LSS: variants seen among roughly 807,000 people sequenced by gnomAD.
LSS encodes the protein 2,3-epoxysqualene-lanosterol cyclase.
A neutral mutation model predicts 110.3 loss-of-function variants in LSS; 90 were observed. The ratio of observed to expected loss-of-function variants is 0.82; its 90% CI spans 0.69 to 0.97. LSS has a LOEUF of 0.97. LSS is among the 50% of genes least tolerant of loss of function. The pLI is 0.00. For synonymous variants in LSS, 433 were observed against 400.0 expected, an observed-to-expected ratio of 1.08 and a Z score of -0.98; for missense variants, 927 against 990.0, an observed-to-expected ratio of 0.94 and a Z score of 0.85.
In LSS at chr21:46,189,489, C is replaced by T. The variant is rs1358538409; in HGVS notation, c.*1615G>A. The stretch of plus-strand genomic sequence containing the variant: ...AGGCAGCTGACCAAGCCCTGCAGGG[C>T]TCTGAGCAGGCAGGCGAGTCCCAAG... On this transcript the variant is annotated 3_prime_UTR_variant, in exon 22 of 22. Coordinates refer to ENST00000397728, the MANE Select transcript of LSS (RefSeq NM_002340.6). The T allele has an allele frequency of 2.8e-6, 1 of 361,212 alleles. No homozygotes were observed. The highest frequency in any genetic ancestry group is 5.5e-6 in the Non-Finnish European group (1 of 181,976). The allele number at this position is 361,212 out of a possible 1,614,324, so 22.4% of individuals were successfully genotyped here.
At chr21:46,196,921 C>G (rs2079917353) in intron 17 of LSS, among the ~76,000 whole-genome samples, 1 of 152,232 alleles carries the variant, frequency 6.6e-6, no homozygotes, top group African/African-American at 2.4e-5. Flanking sequence ...CAGCTTCCAG[C>G]TGAGGAATGG....
intron 17 of LSS, among the ~76,000 whole-genome samples, chr21:46,205,286 C>T (rs1039281024): frequency 8.2e-5 from 10 of 122,586 alleles, no homozygotes; most frequent in Non-Finnish European, 1.7e-4. Flanking sequence ...CCTGACTAAC[C>T]GCGAGCAGGA....
At chr21:46,193,017 CAT>C (rs2079847940) in intron 20 of LSS, 1 of 443,424 alleles carries the variant, frequency 2.3e-6, no homozygotes, top group African/African-American at 2.2e-5. Context: ...TGCATGTGTA[CAT>C]GTGTGCATAG....
chr21:46,190,985 T>G lies in LSS; in HGVS notation c.*119A>C. 8 of 1,224,950 alleles carry G rather than the reference T, an allele frequency of 6.5e-6. No individual in the cohort carries two copies. The highest frequency in any genetic ancestry group is 1.5e-5 in the African/African-American group (1 of 66,462). 75.9% of individuals were successfully genotyped at this position (1,224,950 alleles called of 1,614,324 possible). On this transcript the variant is annotated 3_prime_UTR_variant, in exon 22 of 22. Transcript: ENST00000397728. This position sits in a 1 kb window ranked among gnomAD's most constrained non-coding sequence, Gnocchi z 4.6. ...AGCCTGGCCCCCAGATTCACATCTATGAGATAGAGGTTGAGGGGTTGGAGC... is the reference window on the plus strand; with the variant it reads ...AGCCTGGCCCCCAGATTCACATCTAGGAGATAGAGGTTGAGGGGTTGGAGC...
At chr21:46,223,107 G>C (rs751627620) in intron 3 of LSS, among the ~76,000 whole-genome samples, 4 of 152,248 alleles carry the variant, frequency 2.6e-5, no homozygotes, top group Non-Finnish European at 5.9e-5. Context: ...CCTTCCATGA[G>C]GGGAGACTGT....
intron 17 of LSS, among the ~76,000 whole-genome samples, chr21:46,198,880 A>G (rs912366689): frequency 1.3e-5 from 2 of 151,886 alleles, no homozygotes; most frequent in Non-Finnish European, 2.9e-5. Flanking sequence ...AACCCTTCAC[A>G]AAAGTTAACT....
Position 46,208,371 on chromosome 21 carries a change from C to T in LSS, c.1267-70G>A, listed in dbSNP as rs2080081935. On this transcript the variant is annotated intron_variant, in intron 13 of 21. Coordinates refer to ENST00000397728, the MANE Select transcript of LSS (RefSeq NM_002340.6). ...CACGGGACGTCCCCATCTGGGACAT[C>T]GCTGAGACAGACTGGGCAGGACTGG... 3.0e-6 allele frequency: 4 copies of T among 1,335,348 alleles called. No individual in the cohort carries two copies. The South Asian group carries it at 3.8e-5, about 13-fold the overall frequency. 82.7% of individuals were successfully genotyped at this position (1,335,348 alleles called of 1,614,324 possible). A position where few individuals can be genotyped will look rare whatever the true frequency, so the allele number is the denominator to read the frequency against.
rs906604061 is a variant in LSS at position 46,215,259 on chromosome 21, A to C, written c.932T>G (p.Leu311Arg). The change falls in exon 9 of 22, where the codon CTG becomes CGG. Residue 311 changes from leucine (L) to arginine (R), a missense_variant. Coordinates refer to ENST00000397728, the MANE Select transcript of LSS (RefSeq NM_002340.6). ...CAGCTTCTGCACGGCCCGCTGCCGC[A>C]GGTGGGCACTGTGGTGGTGCTCATA... is the stretch of plus-strand genomic sequence containing the variant. The part of the protein sequence containing the change: ...NLYEHHHSAH[L>R]RQRAVQKLYE... 4.3e-6 allele frequency: 7 copies of C among 1,610,960 alleles called. No individual in the cohort carries two copies. Among genetic ancestry groups the C allele is most frequent in the Non-Finnish European group, 5.9e-6 (7 of 1,179,834 alleles).
rs372476813 is a variant in LSS, at chr21:46,215,304, G to C, written c.893-6C>G. Reference sequence around the variant, plus strand: ...CTCATACAGGTTGAGGAGCGCTACAGGGGACAGGGGTCAGTGGATGCCAGA... The same window carrying C: ...CTCATACAGGTTGAGGAGCGCTACACGGGACAGGGGTCAGTGGATGCCAGA... On this transcript the variant is annotated splice_region_variant and splice_polypyrimidine_tract_variant and intron_variant, in intron 8 of 21. Transcript: ENST00000397728. The C allele has an allele frequency of 1.3e-6, 2 of 1,586,620 alleles. No homozygotes were observed. The highest frequency in any genetic ancestry group is 1.7e-6 in the Non-Finnish European group (2 of 1,162,330).
intron 19 of LSS, 90 bp from the exon 20 acceptor site, chr21:46,194,751 G>C: frequency 7.4e-7 from 1 of 1,360,384 alleles, no homozygotes; most frequent in Non-Finnish European, 9.9e-7. Context: ...TTGGGGTACG[G>C]GGAGGAGCCT....
intron 6 of LSS, among the ~76,000 whole-genome samples, chr21:46,218,707 T>C (rs966145942): frequency 1.3e-5 from 2 of 151,686 alleles, no homozygotes; most frequent in African/African-American, 2.4e-5. Flanking sequence ...GTGGTTCTGT[T>C]TAAAAAAACA....
At chr21:46,199,647 A>G (rs1190692169) in intron 17 of LSS, among the ~76,000 whole-genome samples, 1 of 152,236 alleles carries the variant, frequency 6.6e-6, no homozygotes, top group Non-Finnish European at 1.5e-5. Flanking sequence ...CATCCAGACA[A>G]TGGAATATTA....
At position 46,196,211 on chromosome 21, in the gene LSS, G is replaced by A. The variant is rs2079907797; in HGVS notation, c.1727C>T (p.Ser576Phe). Residue 576 changes from serine (S) to phenylalanine (F), a missense_variant, in exon 18 of 22, where the codon TCC (serine) becomes TTC (phenylalanine). Transcript: ENST00000397728. Reference protein sequence around the residue: ...FCRRQQRADGSWEGSWGVCFT... With the variant: ...FCRRQQRADGFWEGSWGVCFT... ...GTGGAGGCTCACTCACCCTTCCCAG[G>A]AGCCATCGGCCCTCTGCTGCCGCCG... The A allele has an allele frequency of 6.2e-7, 1 of 1,613,942 alleles. No homozygotes were observed. Among genetic ancestry groups the A allele is most frequent in the Admixed American group, 1.7e-5 (1 of 59,996 alleles).
chr21:46,206,851 G>T, intron 15 of LSS, 83 bp from the exon 16 acceptor site: 1 of 989,168 alleles, frequency 1.0e-6, no homozygotes, highest in Non-Finnish European at 1.6e-6. Context: ...CTCTCTAGAG[G>T]CAACACTAGG....
chr21:46,215,629 G>A, intron 8 of LSS, 56 bp downstream of exon 8: 2 of 1,255,238 alleles, frequency 1.6e-6, no homozygotes, highest in Non-Finnish European at 2.2e-6. Flanking sequence ...GAATGAGTGG[G>A]CGACACCCTG....
In LSS at chr21:46,196,183, C is replaced by G. The variant is rs373397316; in HGVS notation, c.1736+19G>C. The G allele has an allele frequency of 1.9e-6, 3 of 1,612,782 alleles. No homozygotes were observed. Among genetic ancestry groups the G allele is most frequent in the Non-Finnish European group, 2.5e-6 (3 of 1,179,040 alleles). On this transcript the variant is annotated intron_variant, in intron 18 of 21. Coordinates refer to ENST00000397728, the MANE Select transcript of LSS (RefSeq NM_002340.6). ...TGGATCCCGTGCATCTCTGCACTCA[C>G]GAGTGGAGGCTCACTCACCCTTCCC...
intron 17 of LSS, 55 bp from the exon 18 acceptor site, chr21:46,196,322 C>A: frequency 7.2e-7 from 1 of 1,391,106 alleles, no homozygotes; most frequent in Non-Finnish European, 1.0e-6. Context: ...GTTTACCTAT[C>A]CCAATTCCAT....
At chr21:46,199,870 G>A (rs4819214) in intron 17 of LSS, among the ~76,000 whole-genome samples, 92,987 of 152,044 alleles carry the variant, frequency 0.61, 28,645 homozygotes, top group East Asian at 0.69. Context: ...TGGTGGGCAC[G>A]TGCATCACAC....
chr21:46,215,399 C>CGGGGGGCG, intron 8 of LSS, 101 bp from the exon 9 acceptor site: 1 of 567,226 alleles, frequency 1.8e-6, no homozygotes, highest in Non-Finnish European at 3.0e-6. Context: ...CCCAGGGTTT[C>CGGGGGGCG]CCCCTCCCAC....
Sources: gnomAD v4.1 joint callset for allele counts (sites outside exome capture counted in the v4.1 genomes callset) on GRCh38, gnomAD v4.1.1 for gene constraint, Gnocchi (gnomAD v3.1) non-coding constraint, MANE v1.5 for transcripts, NCBI Gene and HGNC (gene_info 2026-07-23, HGNC 2026-07-21) for gene names.